The following PTPRD variants were observed in gnomAD, a reference collection of about 807,000 sequenced individuals.
PTPRD encodes the protein protein tyrosine phosphatase receptor type D.
PTPRD carries 34 observed loss-of-function variants against 214.5 expected under a neutral mutation model. The observed-to-expected ratio is 0.16, with a 90% CI of 0.12 to 0.21. PTPRD has a LOEUF of 0.21. PTPRD is among the 10% of genes least tolerant of loss of function. The pLI is 1.00. For synonymous variants in PTPRD, 1,128 were observed against 845.7 expected (o/e 1.33, Z -5.79); for missense variants, 2,545 against 2,398.7 (o/e 1.06, Z -1.27).
rs1171010050 is a variant in PTPRD, at chr9:9,355,298, T to C, written c.-203+42151A>G. Among the ~76,000 whole-genome samples, 6 of 151,670 alleles carry C rather than the reference T, an allele frequency of 4.0e-5. No homozygotes were observed. In the Admixed American group the frequency reaches 4.0e-4, roughly 10 times the overall value. Reference sequence around the variant, plus strand: ...ATGAGAATGAATTATAATGGTACAATGGTAGAAGCATGGAGATCCATCAAG... The same window carrying C: ...ATGAGAATGAATTATAATGGTACAACGGTAGAAGCATGGAGATCCATCAAG... On this transcript the variant is annotated intron_variant, in intron 9 of 45. Coordinates refer to ENST00000381196, the MANE Select transcript of PTPRD (RefSeq NM_002839.4).
intron 11 of PTPRD, among the ~76,000 whole-genome samples, chr9:8,972,170 C>T (rs1213803510): frequency 6.6e-6 from 1 of 151,776 alleles, no homozygotes; most frequent in African/African-American, 2.4e-5. Context: ...TTATACCTTA[C>T]CATATGCGTT....
rs192585990 is a variant in PTPRD at position 10,067,638 on chromosome 9, G to C, written c.-544-33848C>G. ...GCTAAGTATTATTATACTTACGAAG[G>C]ATTACAGGCAAAGAAGGGTAGGTAA... On this transcript the variant is annotated intron_variant, in intron 3 of 45. Transcript: ENST00000381196. Among the ~76,000 whole-genome samples the C allele has an allele frequency of 9.6e-4, 146 of 151,906 alleles. 1 individual carries two copies. Among genetic ancestry groups the C allele is most frequent in the African/African-American group, 3.4e-3 (141 of 41,498 alleles).
chr9:10,014,981 T>C (rs2096673046), intron 4 of PTPRD, among the ~76,000 whole-genome samples: 1 of 152,098 alleles, frequency 6.6e-6, no homozygotes, highest in African/African-American at 2.4e-5. Flanking sequence ...ATGGGATCTG[T>C]AAATGGTAAT....
At position 9,913,071 on chromosome 9, in the gene PTPRD, G is replaced by A. The variant is rs531952487; in HGVS notation, c.-368+25436C>T. 7.2e-5 allele frequency among the ~76,000 whole-genome samples: 11 copies of A among 152,006 alleles called. 1 individual carries two copies. In the South Asian group the frequency reaches 2.1e-3, roughly 29 times the overall value. On this transcript the variant is annotated intron_variant, in intron 5 of 45. Coordinates refer to ENST00000381196, the MANE Select transcript of PTPRD (RefSeq NM_002839.4). ...ATTTTATAAGATCATACAAATATGT[G>A]ATCGATCATAAATTTCCTGGGATAT...
intron 9 of PTPRD, among the ~76,000 whole-genome samples, chr9:9,220,493 G>C (rs1237551202): frequency 6.6e-6 from 1 of 151,854 alleles, no homozygotes; most frequent in Non-Finnish European, 1.5e-5. Context: ...GTGCATTGGG[G>C]ATATATTCTT....
At chr9:9,074,180 A>G (rs968954855) in intron 10 of PTPRD, among the ~76,000 whole-genome samples, 1 of 152,138 alleles carries the variant, frequency 6.6e-6, no homozygotes. Context: ...CAGTGAAATG[A>G]TGGTTACTTT....
intron 11 of PTPRD, among the ~76,000 whole-genome samples, chr9:9,003,233 T>C (rs919467149): frequency 7.2e-5 from 11 of 151,988 alleles, no homozygotes; most frequent in Non-Finnish European, 1.2e-4. Context: ...AGTAAGACAG[T>C]GTGGTTCTGG....
chr9:10,214,498 A>T (rs956194788), intron 3 of PTPRD, among the ~76,000 whole-genome samples: 1 of 149,962 alleles, frequency 6.7e-6, no homozygotes, highest in Non-Finnish European at 1.5e-5. Flanking sequence ...TTGATCTCGA[A>T]CTTCTGACCT....
At chr9:9,717,111 C>T (rs897210903) in intron 7 of PTPRD, among the ~76,000 whole-genome samples, 1 of 152,074 alleles carries the variant, frequency 6.6e-6, no homozygotes, top group South Asian at 2.1e-4. Context: ...ATAGGGAATC[C>T]TTTCCCCATT....
At chr9:10,233,349 G>C (rs933454830) in intron 3 of PTPRD, among the ~76,000 whole-genome samples, 6 of 151,904 alleles carry the variant, frequency 3.9e-5, no homozygotes, top group African/African-American at 1.4e-4. Flanking sequence ...TCATTGTTTT[G>C]TGTTCTCTGA....
At chr9:8,661,655 A>G (rs964470727) in intron 12 of PTPRD, among the ~76,000 whole-genome samples, 3 of 152,190 alleles carry the variant, frequency 2.0e-5, no homozygotes, top group African/African-American at 7.2e-5. Flanking sequence ...ACCATCAGCA[A>G]TTATATTCTA....
At chr9:9,401,330 A>G (rs1214023173) in intron 8 of PTPRD, among the ~76,000 whole-genome samples, 1 of 152,026 alleles carries the variant, frequency 6.6e-6, no homozygotes, top group African/African-American at 2.4e-5. Flanking sequence ...AATCAGAGAA[A>G]TCCCCCTCTT....
chr9:8,484,585 G>C (rs1299783354), intron 29 of PTPRD, among the ~76,000 whole-genome samples: 2 of 122,898 alleles, frequency 1.6e-5, no homozygotes, highest in Non-Finnish European at 3.4e-5. Context: ...ATGTTTCCAA[G>C]TCTATCAAAA....
chr9:10,421,400 G>A (rs532585409), intron 2 of PTPRD, among the ~76,000 whole-genome samples: 12 of 151,990 alleles, frequency 7.9e-5, no homozygotes, highest in Admixed American at 2.0e-4. Flanking sequence ...AGGTTCCGTT[G>A]ATGAAAACCA....
chr9:8,713,181 G>C (rs2098381408), intron 12 of PTPRD: 4 of 564,248 alleles, frequency 7.1e-6, no homozygotes, highest in African/African-American at 1.9e-5. Context: ...GTCAGTGCCA[G>C]AATTTCAGGG....
At position 10,192,063 on chromosome 9, in the gene PTPRD, C is replaced by A. The variant is rs546538870; in HGVS notation, c.-545+148900G>T. ...ATGGATGAAACAACTAAGAGTAGGA[C>A]CTTAGCCAAGGCCTGTGATACATAT... On this transcript the variant is annotated intron_variant, in intron 3 of 45. Transcript: ENST00000381196. 3.9e-5 allele frequency among the ~76,000 whole-genome samples: 6 copies of A among 152,222 alleles called. No homozygotes were observed. The South Asian group carries it at 6.2e-4, about 16-fold the overall frequency.
chr9:8,942,893 C>T (rs75694611), intron 11 of PTPRD, among the ~76,000 whole-genome samples: 2,359 of 152,026 alleles, frequency 0.016, 26 homozygotes, highest in Middle Eastern at 0.048. Context: ...CCTAAAGACT[C>T]CACCAAAAAA....
intron 7 of PTPRD, among the ~76,000 whole-genome samples, chr9:9,599,870 T>C (rs906005306): frequency 1.3e-5 from 2 of 152,064 alleles, no homozygotes; most frequent in African/African-American, 4.8e-5. Flanking sequence ...AAAGACTTTA[T>C]GAAGCAAATT....
At chr9:10,251,952 T>A (rs1229764769) in intron 3 of PTPRD, among the ~76,000 whole-genome samples, 1 of 152,162 alleles carries the variant, frequency 6.6e-6, no homozygotes, top group Non-Finnish European at 1.5e-5. Context: ...ATGTATTGTA[T>A]ATTTCAAAGT....
Sources: allele counts gnomAD v4.1 joint callset (sites outside exome capture counted in the v4.1 genomes callset), GRCh38; gene constraint gnomAD v4.1.1; transcripts MANE v1.5; gene names NCBI Gene and HGNC (gene_info 2026-07-23, HGNC 2026-07-21).